The following MAP3K9 variants were observed in gnomAD, a reference collection of about 807,000 sequenced individuals.
MAP3K9 encodes the protein mixed lineage kinase 1 (tyr and ser/thr specificity).
Under a neutral mutation model 95.8 loss-of-function variants are expected in MAP3K9, and 46 were observed. The ratio of observed to expected loss-of-function variants is 0.48; its 90% CI spans 0.38 to 0.61. The LOEUF is 0.61. MAP3K9 is among the 20% of genes least tolerant of loss of function. The probability of loss-of-function intolerance (pLI) is 0.00; values close to 1 mark genes in which losing one functional copy is unlikely to be tolerated. For synonymous variants in MAP3K9, 533 were observed against 593.8 expected, an observed-to-expected ratio of 0.90 and a Z score of 1.49; for missense variants, 1,296 against 1,474.3, an observed-to-expected ratio of 0.88 and a Z score of 1.98.
chr14:70,784,859 A>G (rs1405307222), intron 2 of MAP3K9, among the ~76,000 whole-genome samples: 1 of 152,150 alleles, frequency 6.6e-6, no homozygotes, highest in Non-Finnish European at 1.5e-5. Flanking sequence ...GAGGTACCAG[A>G]GGTCCTGGGT....
rs182466126 is a variant in MAP3K9, at chr14:70,723,277, G to A, written c.*7103C>T. The A allele has an allele frequency of 1.3e-5, 2 of 152,524 alleles. No individual in the cohort carries two copies. The highest frequency in any genetic ancestry group is 1.3e-4 in the Admixed American group (2 of 15,296). The allele number at this position is 152,524 out of a possible 1,614,324, so 9.4% of individuals were successfully genotyped here. Reference sequence around the variant, plus strand: ...AAGAGCAGCAACAGGGCACCTGCAGGCTGGAAACAGGAGAGAGGCTCACGG... The same window carrying A: ...AAGAGCAGCAACAGGGCACCTGCAGACTGGAAACAGGAGAGAGGCTCACGG... On this transcript the variant is annotated 3_prime_UTR_variant, in exon 12 of 12. Coordinates refer to ENST00000554752, the MANE Select transcript of MAP3K9 (RefSeq NM_001284230.2).
At chr14:70,749,256 G>A (rs879413768) in intron 4 of MAP3K9, among the ~76,000 whole-genome samples, 6 of 152,154 alleles carry the variant, frequency 3.9e-5, no homozygotes, top group Non-Finnish European at 8.8e-5. Flanking sequence ...GTTAATTAAG[G>A]ATAAGAAAAG....
chr14:70,771,941 C>T (rs1032399716), intron 2 of MAP3K9, among the ~76,000 whole-genome samples: 9 of 152,244 alleles, frequency 5.9e-5, no homozygotes, highest in Non-Finnish European at 1.5e-5. Context: ...GAGCCTGACT[C>T]GTGGACCACT....
chr14:70,757,159 T>C (rs2054308776), intron 3 of MAP3K9, among the ~76,000 whole-genome samples: 1 of 152,122 alleles, frequency 6.6e-6, no homozygotes, highest in South Asian at 2.1e-4. Flanking sequence ...CCCATGATCA[T>C]GAATTGGAAG....
chr14:70,773,198 A>C (rs552489703), intron 2 of MAP3K9, among the ~76,000 whole-genome samples: 1 of 152,214 alleles, frequency 6.6e-6, no homozygotes, highest in Non-Finnish European at 1.5e-5. Flanking sequence ...CATTGCCCCC[A>C]AGGAAGGAAT....
At position 70,738,251 on chromosome 14, in the gene MAP3K9, T is replaced by A. The variant is rs2054012869; in HGVS notation, c.1838A>T (p.Asp613Val). 1.9e-6 allele frequency: 3 copies of A among 1,608,120 alleles called. No individual in the cohort carries two copies. The highest frequency in any genetic ancestry group is 2.5e-6 in the Non-Finnish European group (3 of 1,177,232). ...CATGTCATCTGGCACTTACCCTTCA[T>A]CTCCCGAGGCAAGCTCCTTCTGACC... The part of the protein sequence containing the change: ...TLGQKELASG[D>V]EGSPQRREKA... The change falls in exon 8 of 12, where the codon GAT becomes GTT. Residue 613 changes from aspartate (D) to valine (V), a missense_variant. Asp to Val is a radical substitution (Grantham distance 152). Around this residue, in one of 5 missense-constraint regions of MAP3K9, gnomAD observed 377 missense variants for 417.1 expected, o/e 0.90. Coordinates refer to ENST00000554752, the MANE Select transcript of MAP3K9 (RefSeq NM_001284230.2).
chr14:70,759,563 C>T (rs1448449949), intron 3 of MAP3K9, among the ~76,000 whole-genome samples: 1 of 152,214 alleles, frequency 6.6e-6, no homozygotes, highest in African/African-American at 2.4e-5. Context: ...GAGTCATTAT[C>T]TTCACTAGAG....
At chr14:70,736,929 C>T (rs778725882) in intron 8 of MAP3K9, among the ~76,000 whole-genome samples, 3 of 152,164 alleles carry the variant, frequency 2.0e-5, no homozygotes, top group Non-Finnish European at 4.4e-5. Flanking sequence ...TTTTTACCTT[C>T]GGCTCAGATC....
rs572010694 is a variant in MAP3K9 at position 70,794,990 on chromosome 14, CTTTT to C, written c.820+5673_820+5676del. 1.5e-3 allele frequency among the ~76,000 whole-genome samples: 116 copies of C among 76,804 alleles called. 1 individual carries two copies. The highest frequency in any genetic ancestry group is 0.011 in the Middle Eastern group (1 of 88). The allele number at this position is 76,804 out of a possible 152,430, so 50.4% of individuals were successfully genotyped here. Reference sequence around the variant, plus strand: ...CCGTGACCAGCCTCTTTTTCTTTTCCTTTTTTTTTTTTTTTTTTTTTGAGATAGA... The same window carrying C: ...CCGTGACCAGCCTCTTTTTCTTTTCCTTTTTTTTTTTTTTTTTGAGATAGA... On this transcript the variant is annotated intron_variant, in intron 2 of 11. Coordinates refer to ENST00000554752, the MANE Select transcript of MAP3K9 (RefSeq NM_001284230.2).
intron 2 of MAP3K9, among the ~76,000 whole-genome samples, chr14:70,789,249 C>T (rs1273604299): frequency 6.6e-6 from 1 of 152,136 alleles, no homozygotes; most frequent in Non-Finnish European, 1.5e-5. Flanking sequence ...CAATCCCTTT[C>T]AGGGGCTTCA....
chr14:70,743,920 G>A (rs2054111522), intron 5 of MAP3K9, among the ~76,000 whole-genome samples: 1 of 152,204 alleles, frequency 6.6e-6, no homozygotes, highest in Admixed American at 6.5e-5. Context: ...GTTTATTGCG[G>A]CACTATTCAC....
At chr14:70,741,327 T>C (rs2139730026) in intron 6 of MAP3K9, among the ~76,000 whole-genome samples, 1 of 152,274 alleles carries the variant, frequency 6.6e-6, no homozygotes, top group African/African-American at 2.4e-5. Context: ...TGACCTCAGA[T>C]GATCCACCCG....
intron 2 of MAP3K9, among the ~76,000 whole-genome samples, chr14:70,763,095 G>C (rs1431201928): frequency 6.6e-6 from 1 of 152,226 alleles, no homozygotes; most frequent in East Asian, 1.9e-4. Flanking sequence ...ACTGCAGTAA[G>C]CCCACTGTAA....
intron 2 of MAP3K9, among the ~76,000 whole-genome samples, chr14:70,774,650 CAG>C (rs1402038110): frequency 6.6e-5 from 10 of 150,800 alleles, no homozygotes; most frequent in Admixed American, 5.3e-4. Context: ...GCCTGCGTGA[CAG>C]AGAGAGACTC....
intron 1 of MAP3K9, among the ~76,000 whole-genome samples, chr14:70,807,573 G>C (rs1457672752): frequency 6.6e-6 from 1 of 152,108 alleles, no homozygotes; most frequent in Non-Finnish European, 1.5e-5. Context: ...TGTTACAAAG[G>C]AAATCTTAAT....
Position 70,787,235 on chromosome 14 carries a change from G to C in MAP3K9, c.820+13432C>G, listed in dbSNP as rs940934371. On this transcript the variant is annotated intron_variant, in intron 2 of 11. Coordinates refer to ENST00000554752, the MANE Select transcript of MAP3K9 (RefSeq NM_001284230.2). ...CTATAAGATCAGTCACTGGCTGGGC[G>C]CAGTGGCTCACACCTGTAATCCTAG... 3.3e-5 allele frequency among the ~76,000 whole-genome samples: 5 copies of C among 152,016 alleles called. No homozygotes were observed. The South Asian group carries it at 6.2e-4, about 19-fold the overall frequency.
chr14:70,745,068 A>G (rs2054127067), intron 5 of MAP3K9, among the ~76,000 whole-genome samples: 2 of 152,188 alleles, frequency 1.3e-5, no homozygotes, highest in African/African-American at 4.8e-5. Context: ...TTTTAAATCT[A>G]GATTTTAAAC....
intron 2 of MAP3K9, among the ~76,000 whole-genome samples, chr14:70,778,161 G>C (rs1386909413): frequency 1.3e-5 from 2 of 152,086 alleles, no homozygotes; most frequent in East Asian, 1.9e-4. Context: ...GGAGTGCAGT[G>C]GTATAATCTC....
intron 1 of MAP3K9, among the ~76,000 whole-genome samples, chr14:70,803,222 T>C (rs1271766547): frequency 6.6e-6 from 1 of 151,582 alleles, no homozygotes; most frequent in Non-Finnish European, 1.5e-5. Context: ...TGCAGAACCG[T>C]GAGCCAGTTA....
Sources: allele counts gnomAD v4.1 joint callset (sites outside exome capture counted in the v4.1 genomes callset), GRCh38; gene constraint gnomAD v4.1.1; regional missense constraint gnomAD v4.1.1; transcripts MANE v1.5; gene names NCBI Gene and HGNC (gene_info 2026-07-23, HGNC 2026-07-21).